The following SEMA6D variants were observed in gnomAD, a reference collection of about 807,000 sequenced individuals.
The protein encoded by SEMA6D is semaphorin 6D, also known as semaphorin-6D.
A neutral mutation model predicts 106.6 loss-of-function variants in SEMA6D; 35 were observed. The observed-to-expected ratio is 0.33, with a 90% confidence interval of 0.25 to 0.44. The LOEUF is 0.44. Ranked by LOEUF, SEMA6D falls within the 20% of genes least tolerant of loss-of-function variation. The pLI, the probability that SEMA6D is intolerant of heterozygous loss-of-function variation, is 1.00. For missense variants in SEMA6D, 1,185 were observed against 1,345.9 expected (o/e 0.88, Z 1.87); for synonymous variants, 499 against 487.7 (o/e 1.02, Z -0.31).
At chr15:47,468,180 G>GGT (rs368285120) in intron 2 of SEMA6D, among the ~76,000 whole-genome samples, 46 of 151,300 alleles carry the variant, frequency 3.0e-4, no homozygotes, top group African/African-American at 9.4e-4. Flanking sequence ...TTTGTGTGCG[G>GGT]GTGTGTGTGT....
At chr15:47,483,292 G>C (rs1319947814) in intron 3 of SEMA6D, among the ~76,000 whole-genome samples, 1 of 152,074 alleles carries the variant, frequency 6.6e-6, no homozygotes, top group African/African-American at 2.4e-5. Context: ...GACTGCAAAG[G>C]TATGTGCTAC....
At chr15:47,227,649 G>A (rs1202694300) in intron 1 of SEMA6D, among the ~76,000 whole-genome samples, 1 of 149,684 alleles carries the variant, frequency 6.7e-6, no homozygotes, top group African/African-American at 2.5e-5. Context: ...AGCAGTGCGT[G>A]TGTAAAAGGT....
At chr15:47,573,803 A>G (rs976693974) in intron 3 of SEMA6D, among the ~76,000 whole-genome samples, 3 of 152,152 alleles carry the variant, frequency 2.0e-5, no homozygotes, top group Non-Finnish European at 4.4e-5. Flanking sequence ...TTTATTTTTC[A>G]TCTGTCCCAG....
chr15:47,705,706 A>G (rs992427288), intron 4 of SEMA6D, among the ~76,000 whole-genome samples: 6 of 152,124 alleles, frequency 3.9e-5, no homozygotes, highest in Non-Finnish European at 7.4e-5. Flanking sequence ...AATACCTAAG[A>G]CCAGTTCCCC....
At chr15:47,281,691 C>T (rs2035127337) in intron 1 of SEMA6D, among the ~76,000 whole-genome samples, 1 of 152,044 alleles carries the variant, frequency 6.6e-6, no homozygotes, top group African/African-American at 2.4e-5. Context: ...AATGTCTGTG[C>T]ATCTAATAGA....
chr15:47,569,430 T>C (rs1192191564), intron 3 of SEMA6D, among the ~76,000 whole-genome samples: 3 of 152,166 alleles, frequency 2.0e-5, no homozygotes, highest in Non-Finnish European at 4.4e-5. Flanking sequence ...ATGCTATTCA[T>C]ACAAGGTGAT....
intron 4 of SEMA6D, among the ~76,000 whole-genome samples, chr15:47,694,885 A>G (rs1912641): frequency 0.92 from 139,278 of 152,214 alleles, 64,338 homozygotes; most frequent in Middle Eastern, 0.96. Context: ...TAGAGTATGT[A>G]TTACAATTAT....
At chr15:47,428,329 G>C (rs2041413606) in intron 2 of SEMA6D, among the ~76,000 whole-genome samples, 1 of 152,126 alleles carries the variant, frequency 6.6e-6, no homozygotes, top group Admixed American at 6.6e-5. Flanking sequence ...TGAACACGTA[G>C]TGTAAATATA....
chr15:47,184,400 C>G (rs2140856325), exon 1 of SEMA6D: 1 of 152,586 alleles, frequency 6.6e-6, no homozygotes, highest in Middle Eastern at 3.4e-3. Flanking sequence ...GGGAGTCAGG[C>G]TGAGCCTTCG....
rs2082098244 is a variant in SEMA6D, at chr15:47,762,263, G to T, written c.602G>T (p.Ser201Ile). 6.2e-7 allele frequency: 1 copy of T among 1,613,696 alleles called. No individual in the cohort carries two copies. Among genetic ancestry groups the T allele is most frequent in the Non-Finnish European group, 8.5e-7 (1 of 1,179,676 alleles). The change falls in exon 8 of 19, where the codon AGC becomes ATC. Residue 201 changes from serine to isoleucine, a missense_variant. By Grantham distance (142) the Ser-to-Ile change is moderately radical. This residue lies in a region of SEMA6D where 291 missense variants were observed against 423.8 expected (regional missense o/e 0.69). Coordinates refer to ENST00000536845, the MANE Select transcript of SEMA6D (RefSeq NM_001358351.3). ...GCCAGCGATGCCGTTATTTATCGAAGCATGGGTGATGGATCTGCCCTTCGC... is the reference window on the plus strand; with the variant it reads ...GCCAGCGATGCCGTTATTTATCGAATCATGGGTGATGGATCTGCCCTTCGC... ...FLASDAVIYRSMGDGSALRTI... is the reference protein window; with the variant it reads ...FLASDAVIYRIMGDGSALRTI...
Position 47,282,769 on chromosome 15 carries a change from C to T in SEMA6D, c.-239+98351C>T, listed in dbSNP as rs183104546. Among the ~76,000 whole-genome samples the T allele has an allele frequency of 2.2e-3, 341 of 152,222 alleles. 7 individuals are homozygous for T. Among genetic ancestry groups the T allele is most frequent in the Admixed American group, 0.02 (304 of 15,280 alleles). On this transcript the variant is annotated intron_variant, in intron 1 of 19. Transcript: ENST00000558014. ...TTTTAATGTAGATGATGCTATGATG[C>T]CTTGTCTGTGTCTTTCCTTTGTCAT...
At chr15:47,190,216 A>T (rs2140938568) in intron 1 of SEMA6D, among the ~76,000 whole-genome samples, 1 of 152,284 alleles carries the variant, frequency 6.6e-6, no homozygotes, top group South Asian at 2.1e-4. Context: ...ACCAGTTAAT[A>T]TCCCTCACTA....
chr15:47,544,963 A>G (rs948756925), intron 3 of SEMA6D, among the ~76,000 whole-genome samples: 2 of 152,110 alleles, frequency 1.3e-5, no homozygotes, highest in Admixed American at 6.6e-5. Context: ...AAATTTCTAA[A>G]CCTGGAGAAG....
intron 3 of SEMA6D, among the ~76,000 whole-genome samples, chr15:47,486,707 C>G (rs1329913418): frequency 6.6e-6 from 1 of 152,208 alleles, no homozygotes; most frequent in Non-Finnish European, 1.5e-5. Flanking sequence ...TTAGGAAAGT[C>G]TTTGTAACTG....
At chr15:47,769,892 C>CT (rs1281210739) in intron 18 of SEMA6D, among the ~76,000 whole-genome samples, 2 of 151,570 alleles carry the variant, frequency 1.3e-5, no homozygotes, top group East Asian at 3.9e-4. Flanking sequence ...CATAGTCGGT[C>CT]ATTCAAGAGT....
chr15:47,376,365 A>G (rs894278771), intron 1 of SEMA6D, among the ~76,000 whole-genome samples: 4 of 152,184 alleles, frequency 2.6e-5, no homozygotes, highest in Non-Finnish European at 4.4e-5. Context: ...CAAGAAATCC[A>G]CCTCAGCACC....
At chr15:47,513,604 G>A (rs2044297756) in intron 3 of SEMA6D, among the ~76,000 whole-genome samples, 2 of 152,180 alleles carry the variant, frequency 1.3e-5, no homozygotes, top group South Asian at 4.1e-4. Context: ...GGGTACCAAA[G>A]GGATAAATCT....
intron 1 of SEMA6D, among the ~76,000 whole-genome samples, chr15:47,375,490 CT>C (rs2039418478): frequency 6.6e-6 from 1 of 152,202 alleles, no homozygotes; most frequent in Non-Finnish European, 1.5e-5. Context: ...ACTTGTTTTA[CT>C]TTTTTTCCTT....
At chr15:47,316,262 G>A (rs1405036345) in intron 1 of SEMA6D, among the ~76,000 whole-genome samples, 1 of 151,300 alleles carries the variant, frequency 6.6e-6, no homozygotes, top group Non-Finnish European at 1.5e-5. Context: ...CTAGCTAATT[G>A]TATATTTTTA....
Sources: allele counts gnomAD v4.1 joint callset (sites outside exome capture counted in the v4.1 genomes callset), GRCh38; gene constraint gnomAD v4.1.1; regional missense constraint gnomAD v4.1.1; transcripts MANE v1.5; gene names NCBI Gene and HGNC (gene_info 2026-07-23, HGNC 2026-07-21).